The following RUNX1T1 variants were observed in gnomAD, a reference collection of about 807,000 sequenced individuals.
RUNX1T1 encodes the protein protein CBFA2T1.
RUNX1T1 carries 4 observed loss-of-function variants against 62.8 expected under a neutral mutation model. The observed-to-expected ratio is 0.06, with a 90% CI of 0.03 to 0.15. The LOEUF (loss-of-function observed/expected upper bound fraction) is 0.15, where lower values mean the gene tolerates loss of function less well. Ranked by LOEUF, RUNX1T1 falls within the 10% of genes least tolerant of loss-of-function variation. RUNX1T1 has a pLI of 1.00. For synonymous variants in RUNX1T1, 291 were observed against 286.0 expected (o/e 1.02, Z -0.18); for missense variants, 508 against 754.3 (o/e 0.67, Z 3.82).
chr8:92,036,802 GCA>G (rs1403662194), intron 1 of RUNX1T1, among the ~76,000 whole-genome samples: 2 of 152,302 alleles, frequency 1.3e-5, no homozygotes, highest in African/African-American at 4.8e-5. Context: ...TATGAGGTCA[GCA>G]CAGTTAACCT....
At chr8:91,975,482 T>A (rs1168516074) in intron 9 of RUNX1T1, among the ~76,000 whole-genome samples, 2 of 151,838 alleles carry the variant, frequency 1.3e-5, no homozygotes, top group African/African-American at 4.8e-5. Flanking sequence ...TGATGTTGGT[T>A]TCGTTTTTTT....
intron 4 of RUNX1T1, among the ~76,000 whole-genome samples, chr8:92,007,994 A>G (rs564724215): frequency 6.6e-6 from 1 of 151,814 alleles, no homozygotes; most frequent in Admixed American, 6.6e-5. Flanking sequence ...AAAAGAAAGA[A>G]AGAAAAAGAA....
chr8:92,084,757 A>G (rs1417948036), intron 1 of RUNX1T1, among the ~76,000 whole-genome samples: 1 of 152,190 alleles, frequency 6.6e-6, no homozygotes, highest in Non-Finnish European at 1.5e-5. Flanking sequence ...CCCTGCAGAA[A>G]GAGCTTAGGT....
intron 2 of RUNX1T1, among the ~76,000 whole-genome samples, chr8:92,073,199 A>G (rs993190058): frequency 3.3e-5 from 5 of 152,182 alleles, no homozygotes; most frequent in African/African-American, 1.2e-4. Flanking sequence ...TCTGGTCCCT[A>G]CAATGGCAGG....
At chr8:92,000,366 A>G (rs1467865464) in intron 5 of RUNX1T1, among the ~76,000 whole-genome samples, 1 of 152,212 alleles carries the variant, frequency 6.6e-6, no homozygotes, top group Non-Finnish European at 1.5e-5. Context: ...AGGCCTCCCA[A>G]TTGATGTGAT....
intron 2 of RUNX1T1, among the ~76,000 whole-genome samples, chr8:92,072,005 C>A (rs1004118169): frequency 1.5e-4 from 23 of 152,044 alleles, no homozygotes; most frequent in African/African-American, 5.6e-4. Flanking sequence ...CCAGTCATTA[C>A]CCTCCAAATT....
intron 6 of RUNX1T1, 83 bp from the exon 8 acceptor site, chr8:91,987,055 T>C: frequency 1.1e-6 from 1 of 881,414 alleles, no homozygotes; most frequent in East Asian, 2.4e-5. Flanking sequence ...AAGGACTATG[T>C]GGGCAAACTC....
intron 1 of RUNX1T1, chr8:92,095,233 A>G (rs903634789): frequency 2.7e-5 from 41 of 1,531,238 alleles, no homozygotes; most frequent in Non-Finnish European, 3.4e-5. Flanking sequence ...CGACTTCTGA[A>G]TCATTTGGAA....
At chr8:91,988,983 T>G (rs1352847708) in intron 6 of RUNX1T1, among the ~76,000 whole-genome samples, 1 of 152,174 alleles carries the variant, frequency 6.6e-6, no homozygotes, top group Non-Finnish European at 1.5e-5. Flanking sequence ...CAGCACACAA[T>G]TTTTATTTAT....
chr8:92,042,311 C>G (rs990248422), intron 1 of RUNX1T1, among the ~76,000 whole-genome samples: 7 of 151,932 alleles, frequency 4.6e-5, no homozygotes, highest in African/African-American at 1.4e-4. Context: ...GGGCAAATTA[C>G]TGGATTTCTT....
chr8:91,982,631 A>G (rs541229827), intron 8 of RUNX1T1, among the ~76,000 whole-genome samples: 206 of 152,352 alleles, frequency 1.4e-3, no homozygotes, highest in Admixed American at 3.5e-3. Context: ...ATGTATAAAT[A>G]AGTCATACTT....
chr8:91,975,772 TTTTTG>T (rs1215987924), intron 9 of RUNX1T1, 128 bp downstream of exon 10: 50 of 635,064 alleles, frequency 7.9e-5, no homozygotes, highest in African/African-American at 4.9e-4. Flanking sequence ...TTAGTGGTTT[TTTTTG>T]TTTTGTTTTG....
chr8:92,003,954 G>A (rs1259807181), intron 5 of RUNX1T1, among the ~76,000 whole-genome samples: 1 of 152,202 alleles, frequency 6.6e-6, no homozygotes, highest in African/African-American at 2.4e-5. Context: ...AAACTATTAA[G>A]AGGTTCTATG....
exon 4 of RUNX1T1, chr8:92,011,014 G>A: frequency 6.3e-7 from 1 of 1,593,820 alleles, no homozygotes; most frequent in Non-Finnish European, 8.6e-7. Context: ...TCAAAAATGG[G>A]ATGACAAAAG....
chr8:92,010,770 A>G, intron 4 of RUNX1T1: 1 of 390,194 alleles, frequency 2.6e-6, no homozygotes, highest in African/African-American at 2.1e-5. Context: ...ACCTTTATTC[A>G]AAGAGACTTC....
rs766877734 is a variant in RUNX1T1 at position 91,991,908 on chromosome 8, A to T, written c.660-19T>A. ...TTTGGTTCTAAAGGGGGAAAAAACA[A>T]GAGTTTGTTTCATCATCTATTCAGA... On this transcript the variant is annotated intron_variant, in intron 5 of 10. Transcript: ENST00000396218. 39 of 1,613,200 alleles carry T rather than the reference A, an allele frequency of 2.4e-5. No homozygotes were observed. In the Admixed American group the frequency reaches 3.5e-4, roughly 14 times the overall value.
intron 6 of RUNX1T1, among the ~76,000 whole-genome samples, chr8:91,988,961 TTAAA>T (rs1343700619): frequency 6.6e-6 from 1 of 152,184 alleles, no homozygotes; most frequent in Non-Finnish European, 1.5e-5. Context: ...TTTAAGATAC[TTAAA>T]TATTCAGCAG....
intron 10 of RUNX1T1, among the ~76,000 whole-genome samples, chr8:91,966,004 T>TG (rs1255913320): frequency 1.3e-5 from 2 of 151,756 alleles, no homozygotes; most frequent in Non-Finnish European, 2.9e-5. Context: ...ATTTTGCAGA[T>TG]GAGAAAACCA....
chr8:92,080,335 C>A (rs1181142516), intron 1 of RUNX1T1, among the ~76,000 whole-genome samples: 1 of 152,188 alleles, frequency 6.6e-6, no homozygotes, highest in Non-Finnish European at 1.5e-5. Flanking sequence ...TTTGGGTCTA[C>A]ATCAGGCTCT....
Sources: gnomAD v4.1 joint callset for allele counts (sites outside exome capture counted in the v4.1 genomes callset) on GRCh38, gnomAD v4.1.1 for gene constraint, MANE v1.5 for transcripts, NCBI Gene and HGNC (gene_info 2026-07-23, HGNC 2026-07-21) for gene names.